Variants in RUNDC3B observed in about 807,000 individuals in gnomAD.
The protein encoded by RUNDC3B is RUN domain-containing protein 3B.
In RUNDC3B, 33 loss-of-function variants were observed where a neutral mutation model predicts 58.4. The ratio of observed to expected loss-of-function variants is 0.56; its 90% confidence interval spans 0.43 to 0.75. RUNDC3B has a LOEUF of 0.75. RUNDC3B is among the 30% of genes least tolerant of loss of function. The pLI is 0.00. For synonymous variants in RUNDC3B, 193 were observed against 195.2 expected, an observed-to-expected ratio of 0.99 and a Z score of 0.10; for missense variants, 501 against 535.7, an observed-to-expected ratio of 0.94 and a Z score of 0.64.
At chr7:87,822,048 A>T (rs1051452523) in intron 10 of RUNDC3B, among the ~76,000 whole-genome samples, 1 of 151,960 alleles carries the variant, frequency 6.6e-6, no homozygotes, top group Non-Finnish European at 1.5e-5. Flanking sequence ...AATGGGATCT[A>T]ATTAAACTAA....
chr7:87,751,728 G>C (rs535924240), intron 6 of RUNDC3B, among the ~76,000 whole-genome samples: 26 of 152,230 alleles, frequency 1.7e-4, no homozygotes, highest in African/African-American at 6.3e-4. Flanking sequence ...CATTGATTTT[G>C]TATCCTGAGA....
intron 2 of RUNDC3B, among the ~76,000 whole-genome samples, chr7:87,658,163 A>G (rs1022507437): frequency 1.3e-5 from 2 of 152,304 alleles, no homozygotes; most frequent in African/African-American, 4.8e-5. Flanking sequence ...CATGTGAGAA[A>G]CAAATGAAAA....
intron 4 of RUNDC3B, among the ~76,000 whole-genome samples, chr7:87,735,854 C>T (rs1354117331): frequency 6.6e-6 from 1 of 152,072 alleles, no homozygotes; most frequent in African/African-American, 2.4e-5. Flanking sequence ...TTGTTTCTTG[C>T]TTTTCTATTC....
rs1838136019 is a variant in RUNDC3B, at chr7:87,831,683, GAAGGTAGGTAT to G, written c.*1656_*1666del. 1 of 151,898 alleles carries G rather than the reference GAAGGTAGGTAT, an allele frequency of 6.6e-6. No homozygotes were observed. The highest frequency in any genetic ancestry group is 2.1e-4 in the South Asian group (1 of 4,826). The allele number at this position is 151,898 out of a possible 1,614,324, so 9.4% of individuals were successfully genotyped here. A position where few individuals can be genotyped will look rare whatever the true frequency, so the allele number is the denominator to read the frequency against. On this transcript the variant is annotated 3_prime_UTR_variant, in exon 11 of 11. Coordinates refer to ENST00000394654, the MANE Select transcript of RUNDC3B (RefSeq NM_001134405.2). ...CAGGTTTTCATCAGCATGGGGGATG[GAAGGTAGGTAT>G]AATATGAGGACAATGGAAACTTTGG...
chr7:87,717,512 G>A (rs1830626104), intron 4 of RUNDC3B, among the ~76,000 whole-genome samples: 1 of 151,962 alleles, frequency 6.6e-6, no homozygotes, highest in South Asian at 2.1e-4. Context: ...AGGACAAGGA[G>A]GAAGTAACCA....
At chr7:87,742,044 T>C (rs55787809) in intron 6 of RUNDC3B, among the ~76,000 whole-genome samples, 1,942 of 152,318 alleles carry the variant, frequency 0.013, 42 homozygotes, top group African/African-American at 0.044. Context: ...TCTTAAAATA[T>C]GTCTTTTAAA....
intron 1 of RUNDC3B, among the ~76,000 whole-genome samples, chr7:87,641,024 T>C (rs532596019): frequency 1.3e-5 from 2 of 152,330 alleles, no homozygotes; most frequent in South Asian, 2.1e-4. Flanking sequence ...TCTACTTTTA[T>C]GGTCTGCTTT....
At chr7:87,706,133 A>G (rs910479131) in intron 3 of RUNDC3B, among the ~76,000 whole-genome samples, 8 of 152,320 alleles carry the variant, frequency 5.3e-5, no homozygotes, top group African/African-American at 1.9e-4. Context: ...AGAATATGCT[A>G]GTTACATCAG....
intron 1 of RUNDC3B, among the ~76,000 whole-genome samples, chr7:87,632,047 G>T (rs1290572704): frequency 1.3e-5 from 2 of 151,388 alleles, no homozygotes; most frequent in Non-Finnish European, 2.9e-5. Flanking sequence ...AAATATTTTG[G>T]ACTGTGCCTT....
chr7:87,787,488 C>G (rs1417871479), intron 8 of RUNDC3B, among the ~76,000 whole-genome samples: 1 of 151,930 alleles, frequency 6.6e-6, no homozygotes, highest in Non-Finnish European at 1.5e-5. Flanking sequence ...TTATGTATTT[C>G]TTGATGATTA....
intron 6 of RUNDC3B, among the ~76,000 whole-genome samples, chr7:87,763,225 T>C (rs895168434): frequency 6.6e-6 from 1 of 151,654 alleles, no homozygotes; most frequent in African/African-American, 2.4e-5. Context: ...TTTTCCTTTT[T>C]GACATATGCT....
At chr7:87,758,336 AAAC>A (rs1833486105) in intron 6 of RUNDC3B, among the ~76,000 whole-genome samples, 1 of 152,106 alleles carries the variant, frequency 6.6e-6, no homozygotes, top group Non-Finnish European at 1.5e-5. Flanking sequence ...AAACAAAAGA[AAAC>A]AAACAAACAA....
chr7:87,756,402 A>G (rs1200199462), intron 6 of RUNDC3B, among the ~76,000 whole-genome samples: 1 of 152,040 alleles, frequency 6.6e-6, no homozygotes, highest in African/African-American at 2.4e-5. Context: ...AATCTAAGTG[A>G]ATCATTATCT....
At chr7:87,667,476 C>T (rs1825380541) in intron 2 of RUNDC3B, among the ~76,000 whole-genome samples, 1 of 151,812 alleles carries the variant, frequency 6.6e-6, no homozygotes, top group Admixed American at 6.6e-5. Flanking sequence ...TTTGGATGCC[C>T]TTTATTTCTT....
chr7:87,679,920 A>G (rs1366074682), intron 2 of RUNDC3B, among the ~76,000 whole-genome samples: 3 of 150,570 alleles, frequency 2.0e-5, no homozygotes, highest in African/African-American at 4.9e-5. Context: ...AAATGTAAAA[A>G]TACACTTTTT....
rs542880669 is a variant in RUNDC3B at position 87,663,303 on chromosome 7, G to A, written c.238+12366G>A. On this transcript the variant is annotated intron_variant, in intron 2 of 10. Transcript: ENST00000394654. Reference sequence around the variant, plus strand: ...GTTCTTTTCTACTTAAGCATGATGAGATCTATTCCTTGTGTTTATTACCCA... The same window carrying A: ...GTTCTTTTCTACTTAAGCATGATGAAATCTATTCCTTGTGTTTATTACCCA... Among the ~76,000 whole-genome samples the A allele has an allele frequency of 2.6e-5, 4 of 152,046 alleles. No homozygotes were observed. In the East Asian group the frequency reaches 7.7e-4, roughly 29 times the overall value.
intron 4 of RUNDC3B, among the ~76,000 whole-genome samples, chr7:87,730,601 A>G (rs1286268467): frequency 2.6e-5 from 4 of 152,160 alleles, no homozygotes; most frequent in Admixed American, 2.6e-4. Context: ...GTCTATCAGA[A>G]GGCATCTCTG....
chr7:87,775,788 C>T (rs760588213), intron 7 of RUNDC3B, among the ~76,000 whole-genome samples: 4 of 152,046 alleles, frequency 2.6e-5, no homozygotes, highest in Non-Finnish European at 5.9e-5. Flanking sequence ...ACATGCTGTA[C>T]AGGTTTGTAG....
chr7:87,826,511 C>G (rs755019683), intron 10 of RUNDC3B, among the ~76,000 whole-genome samples: 46 of 151,368 alleles, frequency 3.0e-4, no homozygotes, highest in Admixed American at 7.3e-4. Flanking sequence ...TGAAAGAAAA[C>G]TTAATCTAAA....
Sources: gnomAD v4.1 joint callset for allele counts (sites outside exome capture counted in the v4.1 genomes callset) on GRCh38, gnomAD v4.1.1 for gene constraint, MANE v1.5 for transcripts, NCBI Gene and HGNC (gene_info 2026-07-23, HGNC 2026-07-21) for gene names.